The following ACBD5 variants were observed in gnomAD, a reference collection of about 807,000 sequenced individuals.
ACBD5 encodes the protein acyl-CoA-binding domain-containing protein 5.
In ACBD5, 40 loss-of-function variants were observed where a neutral mutation model predicts 71.8. The ratio of observed to expected loss-of-function variants is 0.56; its 90% CI spans 0.43 to 0.72. ACBD5 has a LOEUF of 0.72. Ranked by LOEUF, ACBD5 falls within the 30% of genes least tolerant of loss-of-function variation. The probability of loss-of-function intolerance (pLI) is 0.00; values close to 1 mark genes in which losing one functional copy is unlikely to be tolerated. For missense variants in ACBD5, 559 were observed against 644.5 expected, an observed-to-expected ratio of 0.87 and a Z score of 1.44; for synonymous variants, 229 against 218.6, an observed-to-expected ratio of 1.05 and a Z score of -0.42.
intron 12 of ACBD5, among the ~76,000 whole-genome samples, chr10:27,203,055 C>G (rs1368393619): frequency 7.2e-6 from 1 of 139,670 alleles, no homozygotes; most frequent in Non-Finnish European, 1.5e-5. Context: ...CTCAGGGCAG[C>G]CTCAACCTCC....
At chr10:27,204,416 T>A in intron 12 of ACBD5, 24 bp downstream of exon 12, 1 of 1,559,060 alleles carries the variant, frequency 6.4e-7, no homozygotes, top group Non-Finnish European at 8.8e-7. Flanking sequence ...TATACACCAT[T>A]TCAAATGATG....
intron 4 of ACBD5, among the ~76,000 whole-genome samples, chr10:27,226,477 C>T (rs2063037345): frequency 6.6e-6 from 1 of 150,836 alleles, no homozygotes; most frequent in African/African-American, 2.4e-5. Context: ...CACACACACA[C>T]ACACACACAC....
At chr10:27,236,672 G>A (rs971317446) in intron 2 of ACBD5, among the ~76,000 whole-genome samples, 4 of 151,830 alleles carry the variant, frequency 2.6e-5, no homozygotes, top group African/African-American at 9.7e-5. Context: ...GCGGATCACC[G>A]GAGGTCAGGA....
chr10:27,211,152 A>G (rs1354586752), intron 8 of ACBD5, 71 bp from the exon 9 acceptor site: 5 of 1,426,346 alleles, frequency 3.5e-6, no homozygotes, highest in Non-Finnish European at 4.9e-6. Context: ...TTTTACAGCA[A>G]TAGGAGAAAT....
chr10:27,211,414 G>A (rs546231470), intron 8 of ACBD5, among the ~76,000 whole-genome samples: 11 of 151,986 alleles, frequency 7.2e-5, no homozygotes, highest in African/African-American at 9.7e-5. Context: ...TCCACCTCCC[G>A]GGTTCAAGCA....
At chr10:27,225,682 A>T (rs1231180232) in intron 4 of ACBD5, among the ~76,000 whole-genome samples, 1 of 152,226 alleles carries the variant, frequency 6.6e-6, no homozygotes. Context: ...TTATAATAAT[A>T]ATTCTGAGAT....
At chr10:27,189,010 C>T (rs1000130985) in intron 13 of ACBD5, among the ~76,000 whole-genome samples, 3 of 152,202 alleles carry the variant, frequency 2.0e-5, no homozygotes, top group African/African-American at 7.2e-5. Flanking sequence ...TCTCGCCATC[C>T]CCCTGCCTTT....
At chr10:27,216,782 G>A (rs1446816087) in intron 7 of ACBD5, among the ~76,000 whole-genome samples, 1 of 152,028 alleles carries the variant, frequency 6.6e-6, no homozygotes, top group Non-Finnish European at 1.5e-5. Context: ...CCCTGTAAGA[G>A]AAAACTACCT....
chr10:27,211,027 G>T lies in ACBD5; in HGVS notation c.991C>A (p.His331Asn). The change falls in exon 9 of 13, where the codon CAT becomes AAT. Residue 331 changes from histidine to asparagine, a missense_variant. Physicochemically the swap from His to Asn is moderately conservative, Grantham distance 68. Transcript: ENST00000396271. ...NGPFQYYLGGHSSQPMENSGF... is the reference protein window; with the variant it reads ...NGPFQYYLGGNSSQPMENSGF... ...GAATTTTCCATGGGTTGACTGGAATGACCACCCAAGTAATACTGAAATGGT... is the reference window on the plus strand; with the variant it reads ...GAATTTTCCATGGGTTGACTGGAATTACCACCCAAGTAATACTGAAATGGT... 1 of 1,614,052 alleles carries T rather than the reference G, an allele frequency of 6.2e-7. No homozygotes were observed.
chr10:27,205,228 T>A lies in ACBD5; in HGVS notation c.1425A>T (p.Thr475=), dbSNP rs367600532. 4.3e-6 allele frequency: 7 copies of A among 1,613,208 alleles called. No individual in the cohort carries two copies. The highest frequency in any genetic ancestry group is 1.3e-5 in the African/African-American group (1 of 74,900). Residue 475 remains threonine, a synonymous_variant, in exon 11 of 13, where the codon ACA becomes ACT. Coordinates refer to ENST00000396271, the MANE Select transcript of ACBD5 (RefSeq NM_145698.5). ...TALQAKSSTS[T]LQTAPQPTSQ... is the part of the protein sequence containing the mutation. ...AGGTGGGCTGAGGAGCAGTCTGCAA[T>A]GTTGATGTTGATGATTTTGCCTGTA...
chr10:27,208,104 A>G, intron 10 of ACBD5, 142 bp downstream of exon 10: 1 of 857,704 alleles, frequency 1.2e-6, no homozygotes, highest in East Asian at 2.5e-5. Flanking sequence ...GTCTTTTCTT[A>G]AACAATATTT....
Position 27,205,305 on chromosome 10 carries a change from T to C in ACBD5, c.1405-57A>G, listed in dbSNP as rs372276195. ...GAAAAAATGAAAAACACAGTAATTA[T>C]TCTATTTCCTATCTTTTTTTAAAAG... On this transcript the variant is annotated intron_variant, in intron 10 of 12. Transcript: ENST00000396271. The C allele has an allele frequency of 1.3e-5, 20 of 1,537,518 alleles. No homozygotes were observed. In the African/African-American group the frequency reaches 2.7e-4, roughly 21 times the overall value.
At chr10:27,225,498 ATT>A (rs1379350063) in intron 4 of ACBD5, among the ~76,000 whole-genome samples, 1 of 152,158 alleles carries the variant, frequency 6.6e-6, no homozygotes, top group Non-Finnish European at 1.5e-5. Flanking sequence ...TTATAATTTA[ATT>A]TTACAGCTTG....
At chr10:27,185,756 C>T (rs2058680223) in intron 13 of ACBD5, among the ~76,000 whole-genome samples, 1 of 147,770 alleles carries the variant, frequency 6.8e-6, no homozygotes, top group Non-Finnish European at 1.5e-5. Context: ...CACTACACTC[C>T]AGATTGGGCA....
intron 3 of ACBD5, 118 bp downstream of exon 3, chr10:27,234,974 G>T: frequency 9.7e-7 from 1 of 1,026,080 alleles, no homozygotes; most frequent in Non-Finnish European, 1.4e-6. Flanking sequence ...GATAAAAATT[G>T]TACCCAATAC....
rs2062112646 is a variant in ACBD5, at chr10:27,219,837, A to G, written c.511T>C (p.Ser171Pro). Residue 171 changes from serine (S) to proline (P), a missense_variant, in exon 6 of 13, where the codon TCT becomes CCT. Transcript: ENST00000396271. Reference sequence around the variant, plus strand: ...TTAACGGTTTTGGCGTTTGGAGTAGAAGTGAGAACATTACCAAGATCTAAA... The same window carrying G: ...TTAACGGTTTTGGCGTTTGGAGTAGGAGTGAGAACATTACCAAGATCTAAA... ...ITSDLGNVLT[S>P]TPNAKTVNGK... The G allele has an allele frequency of 5.6e-6, 9 of 1,613,914 alleles. No individual in the cohort carries two copies. The South Asian group carries it at 8.8e-5, about 16-fold the overall frequency.
At chr10:27,241,535 A>G (rs1486111723), upstream of ACBD5, among the ~76,000 whole-genome samples, 1 of 152,084 alleles carries the variant, frequency 6.6e-6, no homozygotes, top group Admixed American at 6.6e-5. Context: ...ACCCAGCCCC[A>G]GGGAGCCAGG....
chr10:27,214,350 C>A (rs11813084), intron 8 of ACBD5, among the ~76,000 whole-genome samples: 10,592 of 151,828 alleles, frequency 0.07, 696 homozygotes, highest in African/African-American at 0.17. Flanking sequence ...TCATATACCC[C>A]ATAAATATAT....
chr10:27,209,404 C>A (rs963673452), intron 9 of ACBD5, among the ~76,000 whole-genome samples: 2 of 152,148 alleles, frequency 1.3e-5, no homozygotes, highest in African/African-American at 4.8e-5. Context: ...CTCACTGCAA[C>A]CTCCGCCTCC....
Sources: allele counts gnomAD v4.1 joint callset (sites outside exome capture counted in the v4.1 genomes callset), GRCh38; gene constraint gnomAD v4.1.1; transcripts MANE v1.5; gene names NCBI Gene and HGNC (gene_info 2026-07-23, HGNC 2026-07-21).